ZNF451: variants seen among roughly 807,000 people sequenced by gnomAD.
ZNF451 encodes the protein zinc finger protein 451.
A neutral mutation model predicts 107.1 loss-of-function variants in ZNF451; 80 were observed. That is an observed-to-expected ratio of 0.75 (90% CI 0.62 to 0.90). The LOEUF is 0.90. Among genes scored for constraint, ZNF451 ranks in the 40% least tolerant of loss-of-function variants. The pLI is 0.00. For missense variants in ZNF451, 1,107 were observed against 1,236.2 expected, an observed-to-expected ratio of 0.90 and a Z score of 1.57; for synonymous variants, 362 against 406.5, an observed-to-expected ratio of 0.89 and a Z score of 1.32.
rs1442765250 is a variant in ZNF451 at position 57,134,760 on chromosome 6, T to G, written c.592T>G (p.Cys198Gly). 1 of 1,613,174 alleles carries G rather than the reference T, an allele frequency of 6.2e-7. No homozygotes were observed. Among genetic ancestry groups the G allele is most frequent in the Non-Finnish European group, 8.5e-7 (1 of 1,179,626 alleles). ...GHLKRFDHSP[C>G]DPTITLHGPF... Reference sequence around the variant, plus strand: ...GCTGAGTAGGTTCGATCACTCTCCATGTGATCCAACAATTACACTACATGG... The same window carrying G: ...GCTGAGTAGGTTCGATCACTCTCCAGGTGATCCAACAATTACACTACATGG... Residue 198 changes from cysteine (C) to glycine (G), a missense_variant, in exon 7 of 15, where the codon TGT (cysteine) becomes GGT (glycine). Cys to Gly is a radical substitution (Grantham distance 159). Around this residue, in one of 5 missense-constraint regions of ZNF451, gnomAD observed 339 missense variants for 372.8 expected, o/e 0.91. Coordinates refer to ENST00000370706, the MANE Select transcript of ZNF451 (RefSeq NM_001031623.3).
In ZNF451 at chr6:57,141,983, T is replaced by C. The variant is rs1197549982; in HGVS notation, c.892T>C (p.Ser298Pro). Residue 298 changes from serine (S) to proline (P), a missense_variant, in exon 9 of 15, where the codon TCT (serine) becomes CCT (proline). Coordinates refer to ENST00000370706, the MANE Select transcript of ZNF451 (RefSeq NM_001031623.3). ...KGIAHPISFP[S>P]FAKKLLISLC... ...AATTGCACATCCAATATCTTTCCCA[T>C]CTTTTGCAAAGAAACTTTTGATCTC... The C allele has an allele frequency of 6.2e-7, 1 of 1,614,076 alleles. No individual in the cohort carries two copies. The highest frequency in any genetic ancestry group is 2.2e-5 in the East Asian group (1 of 44,880).
chr6:57,109,025 T>A, intron 3 of ZNF451: 1 of 985,400 alleles, frequency 1.0e-6, no homozygotes. Context: ...CACAAATCTT[T>A]TCATTTTCTG....
chr6:57,108,301 A>G (rs1829962698), intron 3 of ZNF451: 9 of 985,374 alleles, frequency 9.1e-6, no homozygotes, highest in Non-Finnish European at 1.1e-5. Context: ...TGGCTCTATC[A>G]CAGCATTTAC....
intron 3 of ZNF451, chr6:57,104,092 T>G (rs1829733806): frequency 1.0e-6 from 1 of 984,594 alleles, no homozygotes; most frequent in Non-Finnish European, 1.2e-6. Context: ...TTTATCTTAT[T>G]TTTCTGTATT....
chr6:57,159,815 T>TA (rs1763589887), intron 13 of ZNF451, among the ~76,000 whole-genome samples: 1 of 152,192 alleles, frequency 6.6e-6, no homozygotes, highest in Non-Finnish European at 1.5e-5. Flanking sequence ...ATATAGTGAT[T>TA]TAATTTTTAT....
intron 3 of ZNF451, among the ~76,000 whole-genome samples, chr6:57,117,097 A>C (rs1830410400): frequency 6.6e-6 from 1 of 152,230 alleles, no homozygotes. Flanking sequence ...TTAGTAGAGA[A>C]TAACAGAGGC....
intron 3 of ZNF451, chr6:57,105,311 A>G (rs1283676410): frequency 1.0e-6 from 1 of 983,826 alleles, no homozygotes; most frequent in African/African-American, 1.7e-5. Context: ...TTAGATATAC[A>G]ATGTATATAG....
intron 3 of ZNF451, chr6:57,106,781 G>A (rs1011186045): frequency 1.0e-6 from 1 of 985,140 alleles, no homozygotes; most frequent in Non-Finnish European, 1.2e-6. Flanking sequence ...AGACTAGATC[G>A]ATTCTGTGTG....
At chr6:57,099,277 C>A in intron 3 of ZNF451, 136 bp downstream of exon 3, 1 of 688,242 alleles carries the variant, frequency 1.5e-6, no homozygotes, top group Non-Finnish European at 2.6e-6. Flanking sequence ...ATAGGTAGTC[C>A]AAGGAGTCCT....
intron 3 of ZNF451, chr6:57,100,605 A>G: frequency 6.7e-7 from 1 of 1,501,798 alleles, no homozygotes; most frequent in Non-Finnish European, 8.9e-7. Flanking sequence ...TAACCCAGAG[A>G]ATGCCTGAAT....
At chr6:57,163,435 A>ATTT (rs1562631987) in intron 14 of ZNF451, among the ~76,000 whole-genome samples, 1 of 50,876 alleles carries the variant, frequency 2.0e-5, no homozygotes, top group African/African-American at 6.4e-5. Flanking sequence ...AAATGAATAA[A>ATTT]CTTTTTTTTT....
chr6:57,130,126 A>G (rs1184653584), intron 5 of ZNF451, among the ~76,000 whole-genome samples: 1 of 152,188 alleles, frequency 6.6e-6, no homozygotes, highest in Non-Finnish European at 1.5e-5. Flanking sequence ...AAGAATGCTC[A>G]ACATAGAGAT....
chr6:57,134,503 C>T (rs985860848), intron 6 of ZNF451, among the ~76,000 whole-genome samples: 4 of 152,032 alleles, frequency 2.6e-5, no homozygotes, highest in Non-Finnish European at 5.9e-5. Context: ...TCTATTTTAC[C>T]GGATATTTAG....
chr6:57,093,962 A>G lies in ZNF451; in HGVS notation c.105+3068A>G, dbSNP rs988242400. Among the ~76,000 whole-genome samples, 39 of 152,260 alleles carry G rather than the reference A, an allele frequency of 2.6e-4. 1 individual carries two copies. Among genetic ancestry groups the G allele is most frequent in the Non-Finnish European group, 1.5e-5 (1 of 68,036 alleles). ...AGTAACCTGTGTCCCTGACTTCTCTATATGGGGGGAAAAATGAATTATTTA... is the reference window on the plus strand; with the variant it reads ...AGTAACCTGTGTCCCTGACTTCTCTGTATGGGGGGAAAAATGAATTATTTA... On this transcript the variant is annotated intron_variant, in intron 2 of 14. Coordinates refer to ENST00000370706, the MANE Select transcript of ZNF451 (RefSeq NM_001031623.3).
intron 6 of ZNF451, among the ~76,000 whole-genome samples, chr6:57,133,696 G>GT (rs780286444): frequency 1.3e-5 from 2 of 151,978 alleles, no homozygotes; most frequent in African/African-American, 4.8e-5. Context: ...TTGTTTGTTT[G>GT]TTTTTTTGAG....
At chr6:57,166,705 T>C (rs959803503) in intron 14 of ZNF451, among the ~76,000 whole-genome samples, 1 of 152,220 alleles carries the variant, frequency 6.6e-6, no homozygotes, top group Non-Finnish European at 1.5e-5. Flanking sequence ...TTTTCAAGTG[T>C]TATGTACTGT....
chr6:57,103,604 CT>C, intron 3 of ZNF451: 1 of 985,356 alleles, frequency 1.0e-6, no homozygotes, highest in East Asian at 1.1e-4. Context: ...TTTGAGGGGT[CT>C]GAATACATCA....
At chr6:57,163,436 C>CTTTT (rs398001706) in intron 14 of ZNF451, among the ~76,000 whole-genome samples, 800 of 30,318 alleles carry the variant, frequency 0.026, 299 homozygotes, top group Non-Finnish European at 0.034. Flanking sequence ...AATGAATAAA[C>CTTTT]TTTTTTTTTT....
intron 13 of ZNF451, chr6:57,159,416 T>C (rs970087011): frequency 3.0e-6 from 3 of 985,254 alleles, no homozygotes; most frequent in South Asian, 4.7e-5. Context: ...TTGTTCTTAA[T>C]GTTTAGAGCA....
Sources: gnomAD v4.1 joint callset for allele counts (sites outside exome capture counted in the v4.1 genomes callset) on GRCh38, gnomAD v4.1.1 for gene constraint, gnomAD v4.1.1 regional missense constraint, MANE v1.5 for transcripts, NCBI Gene and HGNC (gene_info 2026-07-23, HGNC 2026-07-21) for gene names.